EGFR: variants seen among roughly 807,000 people sequenced by gnomAD.
EGFR encodes the protein epidermal growth factor receptor.
Under a neutral mutation model 143.0 loss-of-function variants are expected in EGFR, and 58 were observed. The ratio of observed to expected loss-of-function variants is 0.41; its 90% CI spans 0.33 to 0.50. The LOEUF (loss-of-function observed/expected upper bound fraction) is 0.50. Among genes scored for constraint, EGFR ranks in the 20% least tolerant of loss-of-function variants. The pLI is 0.39. For synonymous variants in EGFR, 613 were observed against 594.4 expected (o/e 1.03, Z -0.45); for missense variants, 1,307 against 1,579.0 (o/e 0.83, Z 2.92).
At chr7:55,203,510 C>T (rs560862544) in intron 27 of EGFR, among the ~76,000 whole-genome samples, 2 of 149,146 alleles carry the variant, frequency 1.3e-5, no homozygotes, top group African/African-American at 4.9e-5. Context: ...ATACACTACA[C>T]ACACCATTAC....
intron 20 of EGFR, among the ~76,000 whole-genome samples, chr7:55,187,099 G>A (rs1288015537): frequency 6.6e-6 from 1 of 152,212 alleles, no homozygotes; most frequent in Non-Finnish European, 1.5e-5. Flanking sequence ...GAGATGCTGA[G>A]GACAGGGAGG....
At chr7:55,200,266 C>T (rs2128969686) in intron 23 of EGFR, 50 bp from the exon 24 acceptor site, 2 of 1,534,452 alleles carry the variant, frequency 1.3e-6, no homozygotes, top group Non-Finnish European at 9.0e-7. Context: ...CCATCTTTAT[C>T]ATTTCTTCCA....
chr7:55,061,963 G>T (rs1789211022), intron 1 of EGFR, among the ~76,000 whole-genome samples: 1 of 152,174 alleles, frequency 6.6e-6, no homozygotes, highest in Non-Finnish European at 1.5e-5. Context: ...ATCGCTGGAG[G>T]CCAGAGTGGG....
Position 55,193,834 on chromosome 7 carries a change from T to A in EGFR, c.2701+993T>A, listed in dbSNP as rs549858551. The stretch of plus-strand genomic sequence containing the variant: ...AGTATTTTTTCTTTTTCCTATAGCA[T>A]TATTAACTTTCTGATTTTCCAAATA... On this transcript the variant is annotated intron_variant, in intron 22 of 27. Transcript: ENST00000275493. Among the ~76,000 whole-genome samples, 3 of 152,336 alleles carry A rather than the reference T, an allele frequency of 2.0e-5. No homozygotes were observed. The South Asian group carries it at 6.2e-4, about 32-fold the overall frequency.
rs2128927527 is a variant in EGFR, at chr7:55,143,462, A to C, written c.398A>C (p.Lys133Thr). ...SNYDANKTGL[K>T]ELPMRNLQEI... ...TATGATGCAAATAAAACCGGACTGA[A>C]GGAGCTGCCCATGAGAAATTTACAG... The change falls in exon 3 of 28, where the codon AAG becomes ACG. Residue 133 changes from lysine (K) to threonine (T), a missense_variant. Transcript: ENST00000275493. 1 of 1,614,262 alleles carries C rather than the reference A, an allele frequency of 6.2e-7. No individual in the cohort carries two copies. The highest frequency in any genetic ancestry group is 8.5e-7 in the Non-Finnish European group (1 of 1,180,048).
At chr7:55,127,667 G>A (rs567522629) in intron 1 of EGFR, among the ~76,000 whole-genome samples, 73 of 152,184 alleles carry the variant, frequency 4.8e-4, no homozygotes, top group African/African-American at 1.6e-3. Context: ...CCTTTCTGCC[G>A]CCAACACCCC....
At chr7:55,204,168 T>G (rs1480653877) in intron 27 of EGFR, among the ~76,000 whole-genome samples, 2 of 148,550 alleles carry the variant, frequency 1.3e-5, no homozygotes, top group Non-Finnish European at 3.0e-5. Flanking sequence ...CACACACACA[T>G]ACACACAGAC....
intron 1 of EGFR, among the ~76,000 whole-genome samples, chr7:55,040,781 C>T (rs1472711069): frequency 1.3e-5 from 2 of 152,080 alleles, no homozygotes; most frequent in Non-Finnish European, 2.9e-5. Flanking sequence ...AAAATTTTAA[C>T]CTTGTATATA....
chr7:55,103,451 G>A (rs912036346), intron 1 of EGFR, among the ~76,000 whole-genome samples: 4 of 152,172 alleles, frequency 2.6e-5, no homozygotes, highest in Admixed American at 6.5e-5. Flanking sequence ...ATATACTTTT[G>A]TAAAGATACC....
rs1365608147 is a variant in EGFR, at chr7:55,166,239, A to T, written c.1880+802A>T. On this transcript the variant is annotated intron_variant, in intron 15 of 27. Transcript: ENST00000275493. ...TGTATCTTATTTACTGGAATAATAA[A>T]GCTGTCAATCAAACTGGATCCCACT... 2.4e-5 allele frequency: 13 copies of T among 550,650 alleles called. 1 individual carries two copies. In the East Asian group the frequency reaches 4.6e-4, roughly 20 times the overall value. 34.1% of individuals were successfully genotyped at this position (550,650 alleles called of 1,614,324 possible).
chr7:55,128,693 A>G (rs1793670732), intron 1 of EGFR, among the ~76,000 whole-genome samples: 1 of 152,212 alleles, frequency 6.6e-6, no homozygotes, highest in Non-Finnish European at 1.5e-5. Context: ...TTAGATCTCA[A>G]ATATATTCAA....
intron 19 of EGFR, chr7:55,180,970 A>C (rs1288959076): frequency 2.2e-6 from 1 of 462,954 alleles, no homozygotes; most frequent in Admixed American, 3.6e-5. Flanking sequence ...CAAAGATACT[A>C]TCAGTTCCCA....
At chr7:55,066,679 T>C (rs540695380) in intron 1 of EGFR, among the ~76,000 whole-genome samples, 2 of 152,002 alleles carry the variant, frequency 1.3e-5, no homozygotes, top group South Asian at 4.2e-4. Flanking sequence ...TGGGGTGGGG[T>C]GGGGTTCACG....
At chr7:55,148,252 G>A (rs1029261458) in intron 4 of EGFR, among the ~76,000 whole-genome samples, 1 of 152,158 alleles carries the variant, frequency 6.6e-6, no homozygotes, top group African/African-American at 2.4e-5. Context: ...GGACAATGGG[G>A]AGGTTAAACT....
intron 1 of EGFR, among the ~76,000 whole-genome samples, chr7:55,112,104 G>A (rs777396390): frequency 5.3e-5 from 8 of 152,310 alleles, no homozygotes; most frequent in South Asian, 2.1e-4. Context: ...AGGACTCACC[G>A]GAAGCAGGGC....
intron 16 of EGFR, among the ~76,000 whole-genome samples, chr7:55,172,684 C>T (rs1307284500): frequency 6.6e-6 from 1 of 152,150 alleles, no homozygotes; most frequent in Admixed American, 6.6e-5. Flanking sequence ...TTTTTTGAAT[C>T]ATATTTTGTT....
chr7:55,173,580 C>T (rs1252462018), intron 17 of EGFR, among the ~76,000 whole-genome samples: 2 of 152,234 alleles, frequency 1.3e-5, no homozygotes, highest in Admixed American at 1.3e-4. Context: ...AGCATAAGCG[C>T]GTGTGATGTG....
intron 1 of EGFR, among the ~76,000 whole-genome samples, chr7:55,100,948 C>T (rs1791778413): frequency 6.6e-6 from 1 of 152,236 alleles, no homozygotes; most frequent in African/African-American, 2.4e-5. Flanking sequence ...CTGTGAATAC[C>T]AGTGTCGGCG....
At chr7:55,104,667 C>T (rs1792024599) in intron 1 of EGFR, among the ~76,000 whole-genome samples, 1 of 152,190 alleles carries the variant, frequency 6.6e-6, no homozygotes, top group Non-Finnish European at 1.5e-5. Flanking sequence ...CTCTGCCCTG[C>T]CTGGCTTGAT....
Sources: allele counts gnomAD v4.1 joint callset (sites outside exome capture counted in the v4.1 genomes callset), GRCh38; gene constraint gnomAD v4.1.1; transcripts MANE v1.5; gene names NCBI Gene and HGNC (gene_info 2026-07-23, HGNC 2026-07-21).